PARL: variants seen among roughly 807,000 people sequenced by gnomAD.
PARL encodes presenilin-associated rhomboid-like protein, mitochondrial.
PARL carries 44 observed loss-of-function variants against 51.6 expected under a neutral mutation model. That is an observed-to-expected ratio of 0.85 (90% CI 0.67 to 1.10). PARL has a LOEUF of 1.10. Among genes scored for constraint, PARL ranks in the 50% least tolerant of loss-of-function variants. The pLI, the probability that PARL is intolerant of heterozygous loss-of-function variation, is 0.00. For missense variants in PARL, 441 were observed against 469.5 expected (o/e 0.94, Z 0.56); for synonymous variants, 172 against 164.0 (o/e 1.05, Z -0.37).
At position 183,857,538 on chromosome 3, in the gene PARL, A is replaced by C. The variant is rs554545347; in HGVS notation, c.511+5215T>G. Among the ~76,000 whole-genome samples, 6 of 152,364 alleles carry C rather than the reference A, an allele frequency of 3.9e-5. No homozygotes were observed. The South Asian group carries it at 1.2e-3, about 32-fold the overall frequency. On this transcript the variant is annotated intron_variant, in intron 4 of 9. Coordinates refer to ENST00000317096, the MANE Select transcript of PARL (RefSeq NM_018622.7). ...TATTTTTGTGTTAAACCACAGATAG[A>C]TATAAATGCCTATATATAAATAGAT... is the stretch of plus-strand genomic sequence containing the variant.
chr3:183,869,601 T>C (rs1242241343), intron 1 of PARL, among the ~76,000 whole-genome samples: 1 of 151,634 alleles, frequency 6.6e-6, no homozygotes, highest in African/African-American at 2.4e-5. Flanking sequence ...TTCAAAGATA[T>C]TATATATATA....
intron 1 of PARL, among the ~76,000 whole-genome samples, chr3:183,873,192 G>C (rs1216978622): frequency 1.3e-5 from 2 of 152,064 alleles, no homozygotes; most frequent in Non-Finnish European, 2.9e-5. Context: ...AAAGTAATAG[G>C]AATATATTTA....
At chr3:183,839,947 C>A (rs1484623291) in intron 7 of PARL, among the ~76,000 whole-genome samples, 1 of 151,962 alleles carries the variant, frequency 6.6e-6, no homozygotes, top group Non-Finnish European at 1.5e-5. Context: ...GTTACCAGGG[C>A]TGGTTTCGAA....
chr3:183,840,683 A>C, intron 6 of PARL, 43 bp from the exon 7 acceptor site: 1 of 990,646 alleles, frequency 1.0e-6, no homozygotes, highest in Non-Finnish European at 1.6e-6. Context: ...TGAGGTATAA[A>C]AATGGTTTAC....
intron 6 of PARL, 67 bp from the exon 7 acceptor site, chr3:183,840,707 TTC>T: frequency 3.6e-6 from 3 of 829,198 alleles, no homozygotes; most frequent in East Asian, 2.6e-5. Flanking sequence ...TTTTTTTCTT[TTC>T]TTTTTTTTTT....
chr3:183,833,613 G>A (rs762522114), intron 8 of PARL, 24 bp from the exon 9 acceptor site: 53 of 1,556,356 alleles, frequency 3.4e-5, no homozygotes, highest in Admixed American at 2.8e-4. Context: ...AGAAACAAGC[G>A]GCACAACTGT....
intron 4 of PARL, among the ~76,000 whole-genome samples, chr3:183,845,100 A>G (rs1021855758): frequency 7.1e-6 from 1 of 140,382 alleles, no homozygotes. Flanking sequence ...TAAAATAAAC[A>G]TTTGTCATTC....
intron 9 of PARL, among the ~76,000 whole-genome samples, chr3:183,830,340 G>C (rs569577504): frequency 6.6e-6 from 1 of 152,330 alleles, no homozygotes; most frequent in African/African-American, 2.4e-5. Flanking sequence ...CCACAACTAG[G>C]AATCAGCAGA....
At chr3:183,854,059 T>C (rs1024741403) in intron 4 of PARL, among the ~76,000 whole-genome samples, 6 of 151,790 alleles carry the variant, frequency 4.0e-5, no homozygotes, top group African/African-American at 7.3e-5. Flanking sequence ...ACCAATATGG[T>C]GAAACCCTGT....
At chr3:183,843,854 C>T (rs1729630517) in intron 5 of PARL, among the ~76,000 whole-genome samples, 1 of 151,722 alleles carries the variant, frequency 6.6e-6, no homozygotes, top group Non-Finnish European at 1.5e-5. Context: ...GCCTATCCAA[C>T]ACGGTGAAAC....
At chr3:183,828,481 C>G (rs1161740084), downstream of PARL, among the ~76,000 whole-genome samples, 1 of 152,156 alleles carries the variant, frequency 6.6e-6, no homozygotes, top group Non-Finnish European at 1.5e-5. Context: ...AGAAGTGATA[C>G]GAGTTTAGAA....
downstream of PARL, chr3:183,826,791 G>A (rs562702018): frequency 5.1e-6 from 5 of 985,382 alleles, no homozygotes; most frequent in East Asian, 3.4e-4. Context: ...TGTCCGCCAC[G>A]GCCCTGGGTT....
In PARL at chr3:183,837,228, G is replaced by A. The variant is rs551250993; in HGVS notation, c.828+3342C>T. 8.5e-5 allele frequency among the ~76,000 whole-genome samples: 13 copies of A among 152,294 alleles called. No individual in the cohort carries two copies. The East Asian group carries it at 9.7e-4, about 11-fold the overall frequency. ...CTGTGAAAGGAAGAGAGAGGAAAGC[G>A]GACCAGCTAGGAAGCCTGAGATTCA... is the stretch of plus-strand genomic sequence containing the variant. On this transcript the variant is annotated intron_variant, in intron 7 of 9. Transcript: ENST00000317096.
intron 5 of PARL, among the ~76,000 whole-genome samples, chr3:183,842,857 A>C (rs1577305021): frequency 6.7e-6 from 1 of 148,980 alleles, no homozygotes; most frequent in African/African-American, 2.5e-5. Flanking sequence ...GAAAACAAAA[A>C]CAGCTATTTT....
At chr3:183,827,470 G>C (rs1370523936), downstream of PARL, among the ~76,000 whole-genome samples, 2 of 152,018 alleles carry the variant, frequency 1.3e-5, no homozygotes, top group Non-Finnish European at 1.5e-5. Context: ...GTTTTTCACA[G>C]GTGACAACAA....
chr3:183,865,734 C>T (rs1250996316), intron 3 of PARL, among the ~76,000 whole-genome samples: 2 of 152,164 alleles, frequency 1.3e-5, no homozygotes, highest in Non-Finnish European at 2.9e-5. Flanking sequence ...GTGACTGCTG[C>T]TCTAAAGCAA....
intron 4 of PARL, among the ~76,000 whole-genome samples, chr3:183,854,173 T>C (rs1171254296): frequency 2.6e-5 from 4 of 151,690 alleles, no homozygotes; most frequent in Non-Finnish European, 1.5e-5. Context: ...ACCTGGGAGG[T>C]AGAGCTTGCA....
intron 3 of PARL, among the ~76,000 whole-genome samples, chr3:183,865,005 C>T (rs1277057216): frequency 2.7e-5 from 4 of 146,776 alleles, no homozygotes; most frequent in South Asian, 4.2e-4. Flanking sequence ...CACTGAGAAA[C>T]GTTTAAAACT....
chr3:183,830,293 C>T (rs1018308627), intron 9 of PARL, among the ~76,000 whole-genome samples: 3 of 152,230 alleles, frequency 2.0e-5, no homozygotes, highest in South Asian at 4.1e-4. Context: ...GGGAGGCTGA[C>T]GCACAGAGAG....
Sources: gnomAD v4.1 joint callset for allele counts (sites outside exome capture counted in the v4.1 genomes callset) on GRCh38, gnomAD v4.1.1 for gene constraint, MANE v1.5 for transcripts, NCBI Gene and HGNC (gene_info 2026-07-23, HGNC 2026-07-21) for gene names.